Variants in FRMD3 observed in about 807,000 individuals in gnomAD.
FRMD3 encodes FERM domain containing 3.
A neutral mutation model predicts 70.2 loss-of-function variants in FRMD3; 33 were observed. That is an observed-to-expected ratio of 0.47 (90% CI 0.36 to 0.63). FRMD3 has a LOEUF of 0.63. Ranked by LOEUF, FRMD3 falls within the 20% of genes least tolerant of loss-of-function variation. The pLI is 0.00. For synonymous variants in FRMD3, 279 were observed against 255.9 expected (o/e 1.09, Z -0.86); for missense variants, 632 against 711.4 (o/e 0.89, Z 1.27).
chr9:83,437,886 A>C (rs1351971881), intron 1 of FRMD3, among the ~76,000 whole-genome samples: 1 of 152,236 alleles, frequency 6.6e-6, no homozygotes, highest in Non-Finnish European at 1.5e-5. Flanking sequence ...GTGACAGTGC[A>C]AAGCTAAGTG....
At chr9:83,492,793 G>C (rs968422453) in intron 1 of FRMD3, among the ~76,000 whole-genome samples, 5 of 152,122 alleles carry the variant, frequency 3.3e-5, no homozygotes, top group African/African-American at 1.2e-4. Flanking sequence ...GCCTTCTGGT[G>C]GGGTGGCAAC....
intron 13 of FRMD3, among the ~76,000 whole-genome samples, chr9:83,278,764 T>C (rs1833874009): frequency 6.6e-6 from 1 of 151,702 alleles, no homozygotes; most frequent in Non-Finnish European, 1.5e-5. Context: ...GCTGTCAAGG[T>C]CCTGAGGGAG....
At chr9:83,362,213 C>T (rs1319770408) in intron 3 of FRMD3, among the ~76,000 whole-genome samples, 1 of 151,458 alleles carries the variant, frequency 6.6e-6, no homozygotes. Flanking sequence ...CTCTCTCAAT[C>T]TCAATCTCAA....
intron 6 of FRMD3, among the ~76,000 whole-genome samples, chr9:83,316,962 T>C (rs1835604021): frequency 6.6e-6 from 1 of 152,076 alleles, no homozygotes; most frequent in African/African-American, 2.4e-5. Flanking sequence ...CCCCACACTT[T>C]GGGAGGCTAA....
chr9:83,294,968 C>A lies in FRMD3; in HGVS notation c.1070+3780G>T, dbSNP rs539167745. Among the ~76,000 whole-genome samples the A allele has an allele frequency of 9.9e-5, 15 of 152,260 alleles. No individual in the cohort carries two copies. In the South Asian group the frequency reaches 3.1e-3, roughly 32 times the overall value. On this transcript the variant is annotated intron_variant, in intron 12 of 13. Transcript: ENST00000304195. ...AACTGTGTTTATGCCTGAGGTCCCT[C>A]CAGGCCAGGCTAGGATACGTGCCAT... is the stretch of plus-strand genomic sequence containing the variant.
chr9:83,372,835 C>A, intron 3 of FRMD3, 78 bp downstream of exon 3: 1 of 1,294,968 alleles, frequency 7.7e-7, no homozygotes, highest in African/African-American at 1.5e-5. Flanking sequence ...ATTCCCCTGG[C>A]AGGAGAAAGT....
At chr9:83,263,089 T>C (rs1420095495) in intron 13 of FRMD3, among the ~76,000 whole-genome samples, 2 of 152,202 alleles carry the variant, frequency 1.3e-5, no homozygotes, top group Admixed American at 1.3e-4. Context: ...GTTGACATTG[T>C]TGTAACTGAA....
intron 13 of FRMD3, among the ~76,000 whole-genome samples, chr9:83,264,501 C>T (rs1833141161): frequency 6.6e-6 from 1 of 152,160 alleles, no homozygotes; most frequent in African/African-American, 2.4e-5. Flanking sequence ...TCAAGTGTAA[C>T]AAATGTACTT....
chr9:83,315,461 G>A (rs535928008), intron 6 of FRMD3, among the ~76,000 whole-genome samples: 5 of 152,220 alleles, frequency 3.3e-5, no homozygotes, highest in East Asian at 1.9e-4. Context: ...GGGGCCTGGC[G>A]GGAGGTGATT....
At chr9:83,470,837 A>G (rs544569136) in intron 1 of FRMD3, among the ~76,000 whole-genome samples, 1 of 152,374 alleles carries the variant, frequency 6.6e-6, no homozygotes, top group African/African-American at 2.4e-5. Flanking sequence ...TAACCTGTGA[A>G]TTTCACTTTA....
intron 6 of FRMD3, among the ~76,000 whole-genome samples, chr9:83,316,057 C>T (rs10123088): frequency 0.089 from 13,540 of 152,114 alleles, 710 homozygotes; most frequent in East Asian, 0.23. Context: ...GATATTTTCT[C>T]CTATTCCTTT....
chr9:83,539,266 G>C (rs761905322), upstream of FRMD3, among the ~76,000 whole-genome samples: 10 of 152,194 alleles, frequency 6.6e-5, no homozygotes, highest in Non-Finnish European at 1.5e-4. Flanking sequence ...CGCGCCTCCA[G>C]GGTGTTGAAG....
At chr9:83,509,989 C>A (rs191665181) in intron 1 of FRMD3, among the ~76,000 whole-genome samples, 61 of 152,176 alleles carry the variant, frequency 4.0e-4, no homozygotes, top group Admixed American at 7.2e-4. Flanking sequence ...CTTTTGAAAG[C>A]AATTTGCTTT....
At chr9:83,571,395 GCAACA>G in the FRMD3 span, among the ~76,000 whole-genome samples, 8 of 152,150 alleles carry the variant, frequency 5.3e-5, no homozygotes, top group Non-Finnish European at 4.4e-5. Flanking sequence ...TTCTGTTTTA[GCAACA>G]CAAAACAGAC....
chr9:83,437,591 T>C (rs1827172666), intron 1 of FRMD3, among the ~76,000 whole-genome samples: 1 of 152,202 alleles, frequency 6.6e-6, no homozygotes, highest in Non-Finnish European at 1.5e-5. Context: ...AAGGTTCCAT[T>C]TGGCTCATAT....
chr9:83,447,144 C>A (rs552944463), intron 1 of FRMD3, among the ~76,000 whole-genome samples: 31 of 152,308 alleles, frequency 2.0e-4, no homozygotes, highest in Admixed American at 2.6e-4. Context: ...CTGCCTCAGC[C>A]TCCCGAGTAG....
rs566130636 is a variant in FRMD3, at chr9:83,393,950, T to G, written c.148-4242A>C. 1.9e-4 allele frequency among the ~76,000 whole-genome samples: 27 copies of G among 139,922 alleles called. No individual in the cohort carries two copies. The South Asian group carries it at 5.3e-3, about 27-fold the overall frequency. 91.8% of individuals were successfully genotyped at this position (139,922 alleles called of 152,430 possible). The stretch of plus-strand genomic sequence containing the variant: ...ATTTTGTTTTTTTTTGTTGTTGTTG[T>G]TTTTTTTTACAAATATTGGTCCAAA... On this transcript the variant is annotated intron_variant, in intron 1 of 13. Coordinates refer to ENST00000304195, the MANE Select transcript of FRMD3 (RefSeq NM_174938.6).
chr9:83,271,933 C>G (rs1414755632), intron 13 of FRMD3, among the ~76,000 whole-genome samples: 1 of 152,208 alleles, frequency 6.6e-6, no homozygotes, highest in Non-Finnish European at 1.5e-5. Context: ...ATTTTCCTGA[C>G]TCTCCAACTT....
chr9:83,382,961 A>G (rs1825401943), intron 2 of FRMD3, among the ~76,000 whole-genome samples: 1 of 152,124 alleles, frequency 6.6e-6, no homozygotes. Context: ...CTTTTCCCCC[A>G]AAACCTGTTC....
Sources: gnomAD v4.1 joint callset for allele counts (sites outside exome capture counted in the v4.1 genomes callset) on GRCh38, gnomAD v4.1.1 for gene constraint, MANE v1.5 for transcripts, NCBI Gene and HGNC (gene_info 2026-07-23, HGNC 2026-07-21) for gene names.